The following UGGT2 variants were observed in gnomAD, a reference collection of about 807,000 sequenced individuals.
UGGT2 encodes the protein UDP-glucose:glycoprotein glucosyltransferase 2.
In UGGT2, 180 loss-of-function variants were observed where a neutral mutation model predicts 192.1. That is an observed-to-expected ratio of 0.94 (90% CI 0.83 to 1.06). UGGT2 has a LOEUF of 1.06. Ranked by LOEUF, UGGT2 falls within the 50% of genes least tolerant of loss-of-function variation. The pLI is 0.00. For synonymous variants in UGGT2, 580 were observed against 591.0 expected (o/e 0.98, Z 0.27); for missense variants, 1,849 against 1,795.7 (o/e 1.03, Z -0.54).
At chr13:95,815,468 A>G (rs946248022) in intron 38 of UGGT2, among the ~76,000 whole-genome samples, 1 of 152,216 alleles carries the variant, frequency 6.6e-6, no homozygotes. Flanking sequence ...CAAGAAATTT[A>G]AAAATACCAT....
At chr13:95,903,287 G>A (rs1410642089) in intron 20 of UGGT2, among the ~76,000 whole-genome samples, 1 of 151,990 alleles carries the variant, frequency 6.6e-6, no homozygotes, top group Non-Finnish European at 1.5e-5. Context: ...CATTTGTAAT[G>A]TAACATTATA....
At chr13:95,958,280 T>C (rs1212522165) in intron 12 of UGGT2, among the ~76,000 whole-genome samples, 1 of 151,950 alleles carries the variant, frequency 6.6e-6, no homozygotes, top group East Asian at 1.9e-4. Context: ...GCCTCCCGAG[T>C]AGCTGGGACT....
chr13:95,986,482 T>C (rs2051292881), intron 8 of UGGT2, 50 bp from the exon 9 acceptor site: 2 of 1,304,748 alleles, frequency 1.5e-6, no homozygotes, highest in Admixed American at 2.1e-5. Context: ...TAGACCTTTA[T>C]AGACATTTCC....
intron 37 of UGGT2, among the ~76,000 whole-genome samples, chr13:95,835,019 A>T (rs1297060002): frequency 6.6e-6 from 1 of 152,244 alleles, no homozygotes; most frequent in Non-Finnish European, 1.5e-5. Context: ...ATTTTATTCA[A>T]CCCAATATAT....
intron 38 of UGGT2, among the ~76,000 whole-genome samples, chr13:95,811,866 G>A (rs1884601459): frequency 6.6e-6 from 1 of 151,684 alleles, no homozygotes. Flanking sequence ...AAAATAAAGG[G>A]AGTATGGCTA....
intron 38 of UGGT2, among the ~76,000 whole-genome samples, chr13:95,826,048 T>C (rs1358781385): frequency 1.3e-5 from 2 of 152,046 alleles, no homozygotes; most frequent in South Asian, 2.1e-4. Context: ...TATATTAATA[T>C]AGTTATAGAT....
intron 38 of UGGT2, among the ~76,000 whole-genome samples, chr13:95,811,956 G>A (rs73556731): frequency 0.015 from 2,222 of 152,064 alleles, 58 homozygotes; most frequent in African/African-American, 0.051. Flanking sequence ...AAAAGGCATA[G>A]GGAGCACAAA....
intron 1 of UGGT2, 107 bp downstream of exon 1, chr13:96,053,048 G>GGA (rs1378423647): frequency 1.5e-6 from 2 of 1,364,696 alleles, no homozygotes. Flanking sequence ...GGGGGCGTCT[G>GGA]GAGAACCCGG....
chr13:96,030,249 ATG>A (rs1184107363), intron 2 of UGGT2, among the ~76,000 whole-genome samples: 3 of 152,220 alleles, frequency 2.0e-5, no homozygotes, highest in Admixed American at 6.5e-5. Flanking sequence ...TGCCTCTTTT[ATG>A]TGTTTTCATG....
intron 17 of UGGT2, among the ~76,000 whole-genome samples, chr13:95,933,402 G>T (rs1175856308): frequency 1.3e-5 from 2 of 152,120 alleles, no homozygotes; most frequent in East Asian, 3.9e-4. Flanking sequence ...GGGATCAGTT[G>T]TAATGTCACC....
intron 20 of UGGT2, among the ~76,000 whole-genome samples, chr13:95,914,030 C>A (rs1292671008): frequency 1.3e-5 from 2 of 151,994 alleles, no homozygotes; most frequent in African/African-American, 4.8e-5. Context: ...GGGAATTGAA[C>A]AATGAGATCA....
chr13:96,028,914 G>A (rs927316143), intron 2 of UGGT2, among the ~76,000 whole-genome samples: 1 of 152,090 alleles, frequency 6.6e-6, no homozygotes, highest in Non-Finnish European at 1.5e-5. Flanking sequence ...GGGAGGCCGA[G>A]GTGGGCGGAT....
intron 15 of UGGT2, among the ~76,000 whole-genome samples, chr13:95,946,479 C>T (rs1272816663): frequency 1.3e-5 from 2 of 152,206 alleles, no homozygotes; most frequent in Admixed American, 1.3e-4. Context: ...AATGATCCTC[C>T]CACATCAGTC....
intron 38 of UGGT2, among the ~76,000 whole-genome samples, chr13:95,824,081 A>G (rs1459618199): frequency 6.6e-6 from 1 of 152,066 alleles, no homozygotes; most frequent in Non-Finnish European, 1.5e-5. Context: ...ATTCTTGACT[A>G]ACAGTTATTC....
chr13:96,041,398 G>C (rs1295018169), intron 1 of UGGT2, among the ~76,000 whole-genome samples: 1 of 152,138 alleles, frequency 6.6e-6, no homozygotes, highest in African/African-American at 2.4e-5. Context: ...AGGGGTCCTC[G>C]GGTAGGGCTG....
intron 2 of UGGT2, among the ~76,000 whole-genome samples, chr13:96,028,917 G>C (rs2139144919): frequency 6.6e-6 from 1 of 152,192 alleles, no homozygotes; most frequent in East Asian, 1.9e-4. Context: ...AGGCCGAGGT[G>C]GGCGGATCAC....
At chr13:95,819,524 TA>T (rs1885276279) in intron 38 of UGGT2, among the ~76,000 whole-genome samples, 1 of 61,964 alleles carries the variant, frequency 1.6e-5, no homozygotes, top group African/African-American at 4.7e-5. Flanking sequence ...ATGTATGTAA[TA>T]GTATATATGT....
intron 20 of UGGT2, among the ~76,000 whole-genome samples, chr13:95,903,665 G>A (rs1376014615): frequency 2.0e-5 from 3 of 152,090 alleles, no homozygotes; most frequent in Non-Finnish European, 4.4e-5. Flanking sequence ...TCAATTTTTA[G>A]TACTGTACAG....
intron 38 of UGGT2, among the ~76,000 whole-genome samples, chr13:95,826,727 GAC>G (rs1886083371): frequency 6.6e-6 from 1 of 151,994 alleles, no homozygotes; most frequent in African/African-American, 2.4e-5. Flanking sequence ...TGTATTCTGA[GAC>G]AGTAGTTTCC....
Sources: allele counts gnomAD v4.1 joint callset (sites outside exome capture counted in the v4.1 genomes callset), GRCh38; gene constraint gnomAD v4.1.1; transcripts MANE v1.5; gene names NCBI Gene and HGNC (gene_info 2026-07-23, HGNC 2026-07-21).